HDGFL3: variants seen among roughly 807,000 people sequenced by gnomAD.
The protein encoded by HDGFL3 is hepatoma-derived growth factor-related protein 3.
HDGFL3 carries 6 observed loss-of-function variants against 27.6 expected under a neutral mutation model. The observed-to-expected ratio is 0.22, with a 90% CI of 0.12 to 0.43. HDGFL3 has a LOEUF of 0.43. HDGFL3 is among the 20% of genes least tolerant of loss of function. The pLI is 1.00. For synonymous variants in HDGFL3, 88 were observed against 88.9 expected (o/e 0.99, Z 0.05); for missense variants, 207 against 250.1 (o/e 0.83, Z 1.16).
At chr15:83,171,720 T>G (rs1235483368) in intron 1 of HDGFL3, among the ~76,000 whole-genome samples, 1 of 151,640 alleles carries the variant, frequency 6.6e-6, no homozygotes, top group East Asian at 1.9e-4. Context: ...ATGAGAACAG[T>G]AGACACTGTG....
intron 5 of HDGFL3, among the ~76,000 whole-genome samples, chr15:83,148,193 T>C (rs1173867837): frequency 4.6e-5 from 7 of 152,248 alleles, no homozygotes; most frequent in Admixed American, 4.6e-4. Flanking sequence ...TAATTTGGCA[T>C]TATCTTGTAA....
At chr15:83,172,808 A>G (rs2037262071) in intron 1 of HDGFL3, among the ~76,000 whole-genome samples, 1 of 151,418 alleles carries the variant, frequency 6.6e-6, no homozygotes. Flanking sequence ...GTGACAGAGC[A>G]ATAGACTCCA....
At chr15:83,122,418 T>C (rs1225569849) in intron 3 of HDGFL3, among the ~76,000 whole-genome samples, 1 of 151,900 alleles carries the variant, frequency 6.6e-6, no homozygotes, top group African/African-American at 2.4e-5. Context: ...TAGATAGATA[T>C]AGATATAGGG....
chr15:83,144,135 C>A (rs2036842060), intron 5 of HDGFL3, among the ~76,000 whole-genome samples: 1 of 152,162 alleles, frequency 6.6e-6, no homozygotes, highest in Admixed American at 6.5e-5. Context: ...AAGCAATTCT[C>A]CCGCCTCAGC....
intron 4 of HDGFL3, among the ~76,000 whole-genome samples, chr15:83,152,371 CCAACA>C (rs1360435356): frequency 6.6e-5 from 10 of 152,122 alleles, no homozygotes; most frequent in Admixed American, 3.3e-4. Flanking sequence ...ATCAGCTTGG[CCAACA>C]TGGCAAAACC....
At chr15:83,183,232 A>C (rs2037401191) in intron 1 of HDGFL3, among the ~76,000 whole-genome samples, 1 of 152,128 alleles carries the variant, frequency 6.6e-6, no homozygotes, top group Non-Finnish European at 1.5e-5. Flanking sequence ...CCTGGGTGAC[A>C]AAACAATCTG....
In HDGFL3 at chr15:83,164,054, C is replaced by G; in HGVS notation, c.106G>C (p.Ala36Pro). 6.2e-7 allele frequency: 1 copy of G among 1,609,402 alleles called. No individual in the cohort carries two copies. The highest frequency in any genetic ancestry group is 8.5e-7 in the Non-Finnish European group (1 of 1,178,212). The change falls in exon 2 of 6, where the codon GCT becomes CCT. Residue 36 changes from alanine to proline, a missense_variant. Transcript: ENST00000299633. ...PARIDELPEG[A>P]VKPPANKYPI... ...TACTTGTTTGCTGGAGGCTTCACAG[C>G]GCCCTCTGGGAGTTCATCAATCTAT... is the stretch of plus-strand genomic sequence containing the variant.
At position 83,133,347 on chromosome 15, in the gene HDGFL3, C is replaced by T. The variant is rs1239531526; in HGVS notation, c.*5923G>A. 2 of 152,226 alleles carry T rather than the reference C, an allele frequency of 1.3e-5. No homozygotes were observed. The highest frequency in any genetic ancestry group is 4.8e-5 in the African/African-American group (2 of 41,462). 9.4% of individuals were successfully genotyped at this position (152,226 alleles called of 1,614,324 possible). A position where few individuals can be genotyped will look rare whatever the true frequency, so the allele number is the denominator to read the frequency against. ...TGGACATATAACACTCTTTCAGTTC[C>T]TCCTTGTGGAACCACGATTAACTTT... On this transcript the variant is annotated 3_prime_UTR_variant, in exon 6 of 6. Coordinates refer to ENST00000299633, the MANE Select transcript of HDGFL3 (RefSeq NM_016073.4).
chr15:83,187,214 G>A (rs917337696), intron 1 of HDGFL3, among the ~76,000 whole-genome samples: 4 of 147,744 alleles, frequency 2.7e-5, no homozygotes, highest in African/African-American at 1.1e-4. Context: ...GTAAGTGGAG[G>A]CTTACCGCTA....
chr15:83,153,861 A>C (rs1254289418), intron 4 of HDGFL3, among the ~76,000 whole-genome samples: 1 of 152,154 alleles, frequency 6.6e-6, no homozygotes, highest in Non-Finnish European at 1.5e-5. Context: ...ATGACTTTTC[A>C]TTGTGATTAC....
At chr15:83,119,041 T>C (rs756801929) in intron 3 of HDGFL3, among the ~76,000 whole-genome samples, 1 of 152,116 alleles carries the variant, frequency 6.6e-6, no homozygotes, top group African/African-American at 2.4e-5. Context: ...CACTGGGTTG[T>C]TGGGAAGGTA....
chr15:83,120,426 G>A (rs2035112447), intron 3 of HDGFL3, among the ~76,000 whole-genome samples: 1 of 151,986 alleles, frequency 6.6e-6, no homozygotes, highest in African/African-American at 2.4e-5. Flanking sequence ...TTTGGGGAGG[G>A]GTCTTTTCAA....
rs1388087807 is a variant in HDGFL3, at chr15:83,129,876, C to G, written c.*9394G>C. The G allele has an allele frequency of 6.6e-6, 1 of 152,154 alleles. No homozygotes were observed. The highest frequency in any genetic ancestry group is 1.9e-4 in the East Asian group (1 of 5,188). The allele number at this position is 152,154 out of a possible 1,614,324, so 9.4% of individuals were successfully genotyped here. On this transcript the variant is annotated 3_prime_UTR_variant, in exon 6 of 6. Transcript: ENST00000299633. ...AGTAAGCCTTGCCTTTTTTTTTGGC[C>G]TGGTTCCTCTGCCTTATTCTCCTGT... is the stretch of plus-strand genomic sequence containing the variant.
intron 1 of HDGFL3, among the ~76,000 whole-genome samples, chr15:83,204,858 T>C (rs1178773720): frequency 1.3e-5 from 2 of 152,224 alleles, no homozygotes; most frequent in African/African-American, 2.4e-5. Flanking sequence ...ATCCAACCTG[T>C]AGGAATTCTG....
At chr15:83,193,040 T>C (rs907959649) in intron 1 of HDGFL3, among the ~76,000 whole-genome samples, 3 of 152,192 alleles carry the variant, frequency 2.0e-5, no homozygotes, top group African/African-American at 7.2e-5. Flanking sequence ...TTACCACATA[T>C]GGACTTCCAT....
chr15:83,126,093 C>T (rs1222119610), downstream of HDGFL3, among the ~76,000 whole-genome samples: 3 of 152,256 alleles, frequency 2.0e-5, no homozygotes, highest in East Asian at 5.8e-4. Flanking sequence ...TGTGGGGGTG[C>T]ATGCAAGGTG....
chr15:83,206,995 G>A (rs561586263), intron 1 of HDGFL3, among the ~76,000 whole-genome samples: 14 of 152,328 alleles, frequency 9.2e-5, no homozygotes, highest in Admixed American at 3.9e-4. Context: ...GACCCTGCCC[G>A]GAGCCGAAGC....
intron 1 of HDGFL3, chr15:83,169,119 A>G: frequency 6.3e-6 from 2 of 317,516 alleles, no homozygotes; most frequent in Admixed American, 4.0e-5. Context: ...AACATATCTC[A>G]AAATAAGAGC....
At chr15:83,176,231 G>C (rs2037308094) in intron 1 of HDGFL3, among the ~76,000 whole-genome samples, 1 of 152,160 alleles carries the variant, frequency 6.6e-6, no homozygotes, top group South Asian at 2.1e-4. Flanking sequence ...ACCCCTTTTT[G>C]AGTTTGAAAC....
Sources: allele counts gnomAD v4.1 joint callset (sites outside exome capture counted in the v4.1 genomes callset), GRCh38; gene constraint gnomAD v4.1.1; transcripts MANE v1.5; gene names NCBI Gene and HGNC (gene_info 2026-07-23, HGNC 2026-07-21).